Variants in AFF3 observed in about 807,000 individuals in gnomAD.
AFF3 encodes AF4/FMR2 family member 3.
Under a neutral mutation model 129.7 loss-of-function variants are expected in AFF3, and 32 were observed. The observed-to-expected ratio is 0.25, with a 90% CI of 0.19 to 0.33. AFF3 has a LOEUF of 0.33. Among genes scored for constraint, AFF3 ranks in the 10% least tolerant of loss-of-function variants. AFF3 has a pLI of 1.00. For synonymous variants in AFF3, 644 were observed against 635.4 expected (o/e 1.01, Z -0.20); for missense variants, 1,373 against 1,592.0 (o/e 0.86, Z 2.34).
chr2:99,554,918 C>T (rs1674778052), intron 22 of AFF3, among the ~76,000 whole-genome samples, 186 bp from the exon 23 acceptor site: 1 of 152,142 alleles, frequency 6.6e-6, no homozygotes, highest in Non-Finnish European at 1.5e-5. Context: ...GGAAGGGAGT[C>T]GGGACAGCTG....
At chr2:99,962,117 T>C (rs1407782335) in intron 7 of AFF3, among the ~76,000 whole-genome samples, 1 of 152,136 alleles carries the variant, frequency 6.6e-6, no homozygotes, top group Non-Finnish European at 1.5e-5. Flanking sequence ...TCTTTATCCA[T>C]TTCCTTCTTA....
intron 7 of AFF3, among the ~76,000 whole-genome samples, chr2:99,908,134 A>G (rs945931938): frequency 5.3e-5 from 8 of 152,150 alleles, no homozygotes; most frequent in African/African-American, 1.9e-4. Flanking sequence ...ATAACTGGTC[A>G]CCTATTTGCC....
At chr2:99,987,658 T>C (rs1245212206) in intron 7 of AFF3, among the ~76,000 whole-genome samples, 2 of 152,216 alleles carry the variant, frequency 1.3e-5, no homozygotes. Flanking sequence ...AGATTTAAGA[T>C]TCCCATTCAT....
At chr2:99,738,055 A>C (rs1376437773) in intron 10 of AFF3, among the ~76,000 whole-genome samples, 2 of 152,128 alleles carry the variant, frequency 1.3e-5, no homozygotes, top group Non-Finnish European at 2.9e-5. Context: ...CCAGAAATTA[A>C]AGCAAGGGCT....
chr2:99,623,644 T>A (rs757105246), intron 13 of AFF3, among the ~76,000 whole-genome samples: 2 of 152,194 alleles, frequency 1.3e-5, no homozygotes, highest in Non-Finnish European at 2.9e-5. Context: ...ACATGAGGCC[T>A]CTGGGTTAGG....
intron 4 of AFF3, among the ~76,000 whole-genome samples, chr2:100,080,739 G>C (rs9784000): frequency 0.18 from 27,755 of 152,088 alleles, 2,607 homozygotes; most frequent in East Asian, 0.28. Context: ...TGCAGCCAAA[G>C]GACCTGGATA....
At chr2:100,091,068 C>T (rs1689816071) in intron 4 of AFF3, among the ~76,000 whole-genome samples, 1 of 152,070 alleles carries the variant, frequency 6.6e-6, no homozygotes, top group Admixed American at 6.5e-5. Flanking sequence ...ATACATATTA[C>T]AGGATAGTGG....
intron 18 of AFF3, among the ~76,000 whole-genome samples, chr2:99,573,051 T>C (rs1420891792): frequency 6.6e-6 from 1 of 152,220 alleles, no homozygotes; most frequent in Non-Finnish European, 1.5e-5. Flanking sequence ...ACGCTCAGGC[T>C]AAGTGGGGCG....
At chr2:100,113,888 T>G in intron 2 of AFF3, among the ~76,000 whole-genome samples, 1 of 149,970 alleles carries the variant, frequency 6.7e-6, no homozygotes, top group African/African-American at 2.5e-5. Context: ...GGTGGGGGGG[T>G]TGTAGAAGTC....
chr2:99,577,210 A>G (rs1016576182), intron 18 of AFF3, among the ~76,000 whole-genome samples: 2 of 152,196 alleles, frequency 1.3e-5, no homozygotes, highest in Non-Finnish European at 2.9e-5. Flanking sequence ...ACTAAAACTT[A>G]GTATTTTAAA....
chr2:100,017,690 AC>A (rs2104838049), intron 4 of AFF3, among the ~76,000 whole-genome samples: 1 of 152,348 alleles, frequency 6.6e-6, no homozygotes, highest in East Asian at 1.9e-4. Flanking sequence ...CATGGACTTT[AC>A]ATGAATTACT....
intron 7 of AFF3, among the ~76,000 whole-genome samples, chr2:99,891,787 C>A (rs1693574137): frequency 6.6e-6 from 1 of 151,992 alleles, no homozygotes; most frequent in South Asian, 2.1e-4. Flanking sequence ...GGATTATCTC[C>A]ATTTTCTCTC....
chr2:100,086,585 G>A (rs202234660), intron 4 of AFF3, among the ~76,000 whole-genome samples: 6 of 152,182 alleles, frequency 3.9e-5, no homozygotes, highest in Admixed American at 6.5e-5. Context: ...TGAGAAGAAC[G>A]TATCATGGAT....
At chr2:99,708,103 T>G (rs1307924146) in intron 11 of AFF3, among the ~76,000 whole-genome samples, 1 of 152,160 alleles carries the variant, frequency 6.6e-6, no homozygotes, top group Admixed American at 6.5e-5. Flanking sequence ...TGAGACACAT[T>G]TACACTACAA....
intron 4 of AFF3, among the ~76,000 whole-genome samples, chr2:100,083,496 T>C (rs1168468725): frequency 6.6e-6 from 1 of 152,154 alleles, no homozygotes; most frequent in Non-Finnish European, 1.5e-5. Flanking sequence ...GCACAACGGC[T>C]TTGCCAAGCT....
intron 4 of AFF3, among the ~76,000 whole-genome samples, chr2:100,041,846 C>T (rs1685457576): frequency 6.6e-6 from 1 of 152,178 alleles, no homozygotes; most frequent in Non-Finnish European, 1.5e-5. Context: ...ATCACAAGTA[C>T]ACAGGCTATT....
At chr2:99,585,722 T>C (rs915727273) in intron 16 of AFF3, among the ~76,000 whole-genome samples, 1 of 152,154 alleles carries the variant, frequency 6.6e-6, no homozygotes, top group African/African-American at 2.4e-5. Context: ...ACAGCTATTT[T>C]CTTTTTTTCT....
chr2:99,649,753 G>T, intron 12 of AFF3, 87 bp from the exon 13 acceptor site: 1 of 1,483,522 alleles, frequency 6.7e-7, no homozygotes, highest in Non-Finnish European at 9.3e-7. Flanking sequence ...AAAGACCCCT[G>T]CATTACACAC....
At chr2:99,847,342 A>C (rs1689805670) in intron 7 of AFF3, among the ~76,000 whole-genome samples, 1 of 151,486 alleles carries the variant, frequency 6.6e-6, no homozygotes, top group South Asian at 2.1e-4. Context: ...CGCCCAGATA[A>C]TTTTTGTATT....
Sources: allele counts gnomAD v4.1 joint callset (sites outside exome capture counted in the v4.1 genomes callset), GRCh38; gene constraint gnomAD v4.1.1; transcripts MANE v1.5; gene names NCBI Gene and HGNC (gene_info 2026-07-23, HGNC 2026-07-21).